The following CHFR variants were observed in gnomAD, a reference collection of about 807,000 sequenced individuals.
CHFR encodes the protein E3 ubiquitin-protein ligase CHFR.
CHFR carries 57 observed loss-of-function variants against 87.6 expected under a neutral mutation model. The ratio of observed to expected loss-of-function variants is 0.65; its 90% CI spans 0.53 to 0.81. CHFR has a LOEUF of 0.81. Ranked by LOEUF, CHFR falls within the 30% of genes least tolerant of loss-of-function variation. CHFR has a pLI of 0.00. For missense variants in CHFR, 797 were observed against 865.8 expected (o/e 0.92, Z 1.00); for synonymous variants, 381 against 359.2 (o/e 1.06, Z -0.69).
At chr12:132,846,895 C>A (rs1198809360) in intron 15 of CHFR, 148 bp downstream of exon 15, 2 of 656,106 alleles carry the variant, frequency 3.0e-6, no homozygotes, top group East Asian at 2.6e-5. Context: ...AACAAACAAA[C>A]AAACAAAAAC....
chr12:132,841,131 T>C lies in CHFR; in HGVS notation c.*423A>G, dbSNP rs1231595234. On this transcript the variant is annotated 3_prime_UTR_variant, in exon 18 of 18. Coordinates refer to ENST00000450056, the MANE Select transcript of CHFR (RefSeq NM_001161346.2). ...AGGATATTGTGTACGTCCTGTAGGC[T>C]GTAAACTTATGCTCCCTTCTCCTGA... 5.8e-6 allele frequency: 1 copy of C among 171,780 alleles called. No individual in the cohort carries two copies. Among genetic ancestry groups the C allele is most frequent in the East Asian group, 1.7e-4 (1 of 5,924 alleles). 10.6% of individuals were successfully genotyped at this position (171,780 alleles called of 1,614,324 possible).
At position 132,867,125 on chromosome 12, in the gene CHFR, C is replaced by T. The variant is rs919638231; in HGVS notation, c.583+2494G>A. 2.6e-5 allele frequency: 4 copies of T among 152,448 alleles called. No homozygotes were observed. The East Asian group carries it at 5.8e-4, about 22-fold the overall frequency. The allele number at this position is 152,448 out of a possible 1,614,324, so 9.4% of individuals were successfully genotyped here. A position where few individuals can be genotyped will look rare whatever the true frequency, so the allele number is the denominator to read the frequency against. ...GAAGGAAGGAGCGGATGCAACAAGG[C>T]CTCAAGAACATCAACGAACAGGAGA... On this transcript the variant is annotated intron_variant, in intron 6 of 17. Coordinates refer to ENST00000450056, the MANE Select transcript of CHFR (RefSeq NM_001161346.2).
chr12:132,858,297 T>C (rs997286261), intron 8 of CHFR, among the ~76,000 whole-genome samples: 2 of 151,204 alleles, frequency 1.3e-5, no homozygotes, highest in African/African-American at 4.9e-5. Context: ...GAGGTGGAGG[T>C]TGCAGTGAGC....
At chr12:132,880,526 C>T (rs7961946) in intron 2 of CHFR, among the ~76,000 whole-genome samples, 40,824 of 151,554 alleles carry the variant, frequency 0.27, 5,787 homozygotes, top group Middle Eastern at 0.43. Context: ...GGCGTGATGG[C>T]GGGCGCCTGT....
chr12:132,841,508 C>A lies in CHFR; in HGVS notation c.*46G>T, dbSNP rs752032125. 2 of 1,535,314 alleles carry A rather than the reference C, an allele frequency of 1.3e-6. No homozygotes were observed. The highest frequency in any genetic ancestry group is 2.7e-5 in the African/African-American group (2 of 73,240). ...CTTGTCTCTGTATTTTAAAAACACG[C>A]TCTCTTCACCTCCAGTGCTGAAAGC... On this transcript the variant is annotated 3_prime_UTR_variant, in exon 18 of 18. Transcript: ENST00000450056.
chr12:132,843,121 T>C, intron 16 of CHFR, 38 bp from the exon 17 acceptor site: 1 of 1,574,228 alleles, frequency 6.4e-7, no homozygotes, highest in Non-Finnish European at 8.7e-7. Context: ...ATGAGATGTA[T>C]TGCACGCACC....
At chr12:132,864,556 T>C (rs1013821388) in intron 6 of CHFR, among the ~76,000 whole-genome samples, 7 of 152,236 alleles carry the variant, frequency 4.6e-5, no homozygotes, top group Admixed American at 1.3e-4. Context: ...TGGCAGGATA[T>C]TGGCTCACTG....
In CHFR at chr12:132,832,774, CA is replaced by C. The variant is rs1344131053; in HGVS notation, c.*8779del. 2 of 152,160 alleles carry C rather than the reference CA, an allele frequency of 1.3e-5. No individual in the cohort carries two copies. The highest frequency in any genetic ancestry group is 3.8e-4 in the East Asian group (2 of 5,196). 9.4% of individuals were successfully genotyped at this position (152,160 alleles called of 1,614,324 possible). A position where few individuals can be genotyped will look rare whatever the true frequency, so the allele number is the denominator to read the frequency against. On this transcript the variant is annotated 3_prime_UTR_variant, in exon 18 of 18. Transcript: ENST00000450056. ...TAACAGCTTTAATACAATTTCTATGCAATAAAATATACCCGTGTTGTGTGTG... is the reference window on the plus strand; with the variant it reads ...TAACAGCTTTAATACAATTTCTATGCATAAAATATACCCGTGTTGTGTGTG...
At chr12:132,876,538 C>CAA (rs1266295559) in intron 3 of CHFR, among the ~76,000 whole-genome samples, 1 of 152,146 alleles carries the variant, frequency 6.6e-6, no homozygotes, top group Non-Finnish European at 1.5e-5. Flanking sequence ...TTCAGTTGTA[C>CAA]AAGAACGAGA....
At chr12:132,847,538 G>A in intron 14 of CHFR, 1 of 1,073,926 alleles carries the variant, frequency 9.3e-7, no homozygotes, top group Non-Finnish European at 1.1e-6. Flanking sequence ...CCTTCTGTGG[G>A]CATCAAAGCA....
chr12:132,843,105 G>A (rs766957926), intron 16 of CHFR, 22 bp from the exon 17 acceptor site: 24 of 1,604,920 alleles, frequency 1.5e-5, no homozygotes, highest in Admixed American at 1.2e-4. Flanking sequence ...GAAGGGGTAC[G>A]CATCTATGAG....
At chr12:132,872,236 C>T (rs772040473) in intron 4 of CHFR, 49 bp downstream of exon 4, 113 of 1,210,954 alleles carry the variant, frequency 9.3e-5, no homozygotes, top group Non-Finnish European at 1.2e-4. Context: ...AGCGCCCTCA[C>T]GTGCACCCCC....
At chr12:132,860,060 C>T (rs1272074456) in intron 7 of CHFR, among the ~76,000 whole-genome samples, 1 of 152,120 alleles carries the variant, frequency 6.6e-6, no homozygotes, top group Non-Finnish European at 1.5e-5. Flanking sequence ...AAAATGTATA[C>T]ATAATATATT....
At position 132,841,585 on chromosome 12, in the gene CHFR, T is replaced by C. The variant is rs1223009144; in HGVS notation, c.1928A>G (p.His643Arg). The change falls in exon 18 of 18, where the codon CAT becomes CGT. Residue 643 changes from histidine to arginine, a missense_variant. Around this residue, in one of 2 missense-constraint regions of CHFR, gnomAD observed 200 missense variants for 264.6 expected, o/e 0.76. Coordinates refer to ENST00000450056, the MANE Select transcript of CHFR (RefSeq NM_001161346.2). Reference protein sequence around the residue: ...VKAHHAMKFNHICEQTRFKN With the variant: ...VKAHHAMKFNRICEQTRFKN ...TTTGAACCTTGTCTGTTCACAGATA[T>C]GATTGAATTTCCTGCAGGGAGAAAA... 2.5e-6 allele frequency: 4 copies of C among 1,613,884 alleles called. No homozygotes were observed. The highest frequency in any genetic ancestry group is 1.7e-6 in the Non-Finnish European group (2 of 1,179,786).
In CHFR at chr12:132,853,488, G is replaced by A. The variant is rs924051400; in HGVS notation, c.1315C>T (p.Pro439Ser). 3.3e-6 allele frequency: 5 copies of A among 1,534,788 alleles called. No individual in the cohort carries two copies. The African/African-American group carries it at 5.6e-5, about 17-fold the overall frequency. The change falls in exon 11 of 18, where the codon CCA (proline) becomes TCA (serine). Residue 439 changes from proline to serine, a missense_variant. Pro to Ser is a moderately conservative substitution (Grantham distance 74, BLOSUM62 -1). Transcript: ENST00000450056. ...TCCCCCAGGGCCTGTGGGGCTCCTG[G>A]CTCGCCCTCGGGTGCTGGGCAGTGG... ...PPHCPAPEGE[P>S]GAPQALGDAP...
At chr12:132,872,482 G>A (rs949738582) in intron 3 of CHFR, 88 bp from the exon 4 acceptor site, 11 of 807,988 alleles carry the variant, frequency 1.4e-5, no homozygotes, top group Middle Eastern at 2.4e-4. Flanking sequence ...CAAGCAGCTC[G>A]ATATGACCAC....
intron 6 of CHFR, among the ~76,000 whole-genome samples, chr12:132,869,259 G>C (rs1951430429): frequency 6.6e-6 from 1 of 151,500 alleles, no homozygotes; most frequent in African/African-American, 2.4e-5. Flanking sequence ...AAGGGGACAT[G>C]TGGAGTCACT....
At chr12:132,853,699 A>C in intron 10 of CHFR, 126 bp from the exon 11 acceptor site, 2 of 1,202,724 alleles carry the variant, frequency 1.7e-6, no homozygotes, top group Non-Finnish European at 2.2e-6. Context: ...TGTGAGGGGA[A>C]GGGCCGGGCC....
chr12:132,862,537 G>A (rs752636689), intron 6 of CHFR: 8 of 376,616 alleles, frequency 2.1e-5, no homozygotes, highest in East Asian at 1.7e-4. Context: ...CCGGGAGTTC[G>A]AGGCTACAGT....
Sources: allele counts gnomAD v4.1 joint callset (sites outside exome capture counted in the v4.1 genomes callset), GRCh38; gene constraint gnomAD v4.1.1; regional missense constraint gnomAD v4.1.1; transcripts MANE v1.5; gene names NCBI Gene and HGNC (gene_info 2026-07-23, HGNC 2026-07-21).